The following ALAS1 variants were observed in gnomAD, a reference collection of about 807,000 sequenced individuals.
ALAS1 encodes 5'-aminolevulinate synthase 1.
Under a neutral mutation model 59.6 loss-of-function variants are expected in ALAS1, and 29 were observed. The ratio of observed to expected loss-of-function variants is 0.49; its 90% CI spans 0.36 to 0.66. The LOEUF (loss-of-function observed/expected upper bound fraction) is 0.66. Ranked by LOEUF, ALAS1 falls within the 30% of genes least tolerant of loss-of-function variation. The pLI is 0.00. For missense variants in ALAS1, 690 were observed against 807.5 expected (o/e 0.85, Z 1.76); for synonymous variants, 299 against 296.6 (o/e 1.01, Z -0.08).
chr3:52,207,944 A>C, intron 8 of ALAS1, 139 bp from the exon 9 acceptor site: 1 of 961,988 alleles, frequency 1.0e-6, no homozygotes, highest in Non-Finnish European at 1.5e-6. Flanking sequence ...GGTAACCTAG[A>C]AATTAGAGGA....
chr3:52,200,991 G>A (rs1699175822), intron 3 of ALAS1, among the ~76,000 whole-genome samples: 1 of 151,912 alleles, frequency 6.6e-6, no homozygotes, highest in Non-Finnish European at 1.5e-5. Context: ...TAAATGATAG[G>A]ATTTTTTTCT....
intron 5 of ALAS1, 146 bp from the exon 6 acceptor site, chr3:52,204,547 A>C (rs1460915362): frequency 5.9e-6 from 4 of 674,926 alleles, no homozygotes; most frequent in Non-Finnish European, 1.0e-5. Flanking sequence ...AACACGACAT[A>C]CAGTCTTATT....
rs1173264896 is a variant in ALAS1, at chr3:52,206,649, A to C, written c.1063A>C (p.Ile355Leu). Residue 355 changes from isoleucine to leucine, a missense_variant, in exon 8 of 12, where the codon ATC (isoleucine) becomes CTC (leucine). Physicochemically the swap from Ile to Leu is conservative, Grantham distance 5. Transcript: ENST00000484952. ...TCGAAACAGCCGAGTGCCAAAGTAC[A>C]TCTTCCGCCACAATGATGTCAGCCA... The part of the protein sequence containing the change: ...GIRNSRVPKY[I>L]FRHNDVSHLR... 6.2e-7 allele frequency: 1 copy of C among 1,614,088 alleles called. No homozygotes were observed. Among genetic ancestry groups the C allele is most frequent in the African/African-American group, 1.3e-5 (1 of 74,930 alleles).
At position 52,206,780 on chromosome 3, in the gene ALAS1, C is replaced by T. The variant is rs199908611; in HGVS notation, c.1165+29C>T. On this transcript the variant is annotated intron_variant, in intron 8 of 11. Coordinates refer to ENST00000484952, the MANE Select transcript of ALAS1 (RefSeq NM_000688.6). ...AGTGTGGATAGAGGTTCCTCTGAAA[C>T]CTAAGATGAAAAACTATGCCTGAAC... 878 of 1,601,548 alleles carry T rather than the reference C, an allele frequency of 5.5e-4. 6 individuals are homozygous for T. Among genetic ancestry groups the T allele is most frequent in the Middle Eastern group, 3.3e-3 (20 of 6,012 alleles).
rs191139903 is a variant in ALAS1, at chr3:52,199,941, C to G, written c.199+501C>G. ...GGTTCAAGTGATTCTCCTGCCTCAG[C>G]CTTCCAAGTATCTGGAATTACAGGC... On this transcript the variant is annotated intron_variant, in intron 3 of 11. Coordinates refer to ENST00000484952, the MANE Select transcript of ALAS1 (RefSeq NM_000688.6). Among the ~76,000 whole-genome samples the G allele has an allele frequency of 2.6e-4, 40 of 152,312 alleles. No individual in the cohort carries two copies. The East Asian group carries it at 6.4e-3, about 24-fold the overall frequency.
At chr3:52,204,116 T>C in intron 5 of ALAS1, 104 bp downstream of exon 5, 3 of 1,202,358 alleles carry the variant, frequency 2.5e-6, no homozygotes, top group Non-Finnish European at 3.4e-6. Flanking sequence ...CAGTAGCTCA[T>C]ACCTGTAATC....
intron 10 of ALAS1, 21 bp downstream of exon 10, chr3:52,211,572 G>A: frequency 6.2e-7 from 1 of 1,611,294 alleles, no homozygotes; most frequent in Non-Finnish European, 8.5e-7. Context: ...GTCTCTGATT[G>A]GACTTGCCGT....
intron 3 of ALAS1, among the ~76,000 whole-genome samples, chr3:52,201,121 C>T (rs958607055): frequency 2.6e-5 from 4 of 152,078 alleles, no homozygotes; most frequent in African/African-American, 9.7e-5. Flanking sequence ...ACACTTTACC[C>T]AAGTTATAGG....
intron 3 of ALAS1, among the ~76,000 whole-genome samples, chr3:52,200,352 C>T (rs1420821954): frequency 6.6e-6 from 1 of 152,200 alleles, no homozygotes; most frequent in East Asian, 1.9e-4. Context: ...CCCCTGACAA[C>T]CACCATTCTG....
intron 9 of ALAS1, 83 bp from the exon 10 acceptor site, chr3:52,211,200 T>G: frequency 6.6e-7 from 1 of 1,507,376 alleles, no homozygotes; most frequent in Non-Finnish European, 9.0e-7. Context: ...AAGTCAGTGC[T>G]TTGAGGCTCC....
In ALAS1 at chr3:52,214,191, A is replaced by C; in HGVS notation, c.*11A>C. The C allele has an allele frequency of 6.3e-7, 1 of 1,575,962 alleles. No individual in the cohort carries two copies. Among genetic ancestry groups the C allele is most frequent in the Non-Finnish European group, 8.7e-7 (1 of 1,149,762 alleles). On this transcript the variant is annotated 3_prime_UTR_variant, in exon 12 of 12. Transcript: ENST00000484952. ...TCTGCTCAGGCCTGAGCATGACCTCAATTATTTCACTTAACCCCAGGCCAT... is the reference window on the plus strand; with the variant it reads ...TCTGCTCAGGCCTGAGCATGACCTCCATTATTTCACTTAACCCCAGGCCAT...
intron 6 of ALAS1, among the ~76,000 whole-genome samples, chr3:52,205,413 G>A (rs1699273903): frequency 6.6e-6 from 1 of 152,226 alleles, no homozygotes; most frequent in Non-Finnish European, 1.5e-5. Flanking sequence ...GTCCCGGTTT[G>A]AGGTTTAATG....
intron 11 of ALAS1, among the ~76,000 whole-genome samples, chr3:52,212,835 T>G (rs1025167250): frequency 4.6e-5 from 7 of 152,114 alleles, no homozygotes; most frequent in African/African-American, 1.7e-4. Context: ...CCGGCCTGTT[T>G]CTTCTTTTTC....
In ALAS1 at chr3:52,202,618, C is replaced by G. The variant is rs1241948486; in HGVS notation, c.311C>G (p.Thr104Ser). 3.7e-6 allele frequency: 6 copies of G among 1,614,058 alleles called. No homozygotes were observed. Among genetic ancestry groups the G allele is most frequent in the Non-Finnish European group, 2.5e-6 (3 of 1,180,046 alleles). Reference protein sequence around the residue: ...GHPLPATSQGTASKCPFLAAQ... With the variant: ...GHPLPATSQGSASKCPFLAAQ... ...CCCTTGCCTGCCACAAGCCAGGGCACTGCAAGCAAATGCCCTTTCCTGGCA... is the reference window on the plus strand; with the variant it reads ...CCCTTGCCTGCCACAAGCCAGGGCAGTGCAAGCAAATGCCCTTTCCTGGCA... Residue 104 changes from threonine to serine, a missense_variant, in exon 4 of 12, where the codon ACT becomes AGT. Thr to Ser is a moderately conservative substitution (Grantham distance 58). Coordinates refer to ENST00000484952, the MANE Select transcript of ALAS1 (RefSeq NM_000688.6).
Position 52,212,301 on chromosome 3 carries a change from T to C in ALAS1, c.1643T>C (p.Met548Thr). ...AACACAGAAGTCTGTGATGAACTAA[T>C]GAGCAGACATAACATCTACGTGCAA... ...AKNTEVCDELMSRHNIYVQAI... is the reference protein window; with the variant it reads ...AKNTEVCDELTSRHNIYVQAI... The change falls in exon 11 of 12, where the codon ATG becomes ACG. Residue 548 changes from methionine to threonine, a missense_variant. Transcript: ENST00000484952. The C allele has an allele frequency of 1.9e-6, 3 of 1,614,112 alleles. No individual in the cohort carries two copies. The highest frequency in any genetic ancestry group is 2.5e-6 in the Non-Finnish European group (3 of 1,180,008).
chr3:52,199,566 C>A, intron 3 of ALAS1, 126 bp downstream of exon 3: 1 of 876,300 alleles, frequency 1.1e-6, no homozygotes, highest in Non-Finnish European at 1.7e-6. Context: ...GCAGGCTGGG[C>A]TCTGAGCACA....
chr3:52,210,982 A>G (rs191917456), intron 9 of ALAS1, among the ~76,000 whole-genome samples: 2 of 152,280 alleles, frequency 1.3e-5, no homozygotes, highest in East Asian at 1.9e-4. Context: ...AAACCTGTAC[A>G]ACATGTTACT....
chr3:52,203,737 A>T, intron 4 of ALAS1, 126 bp from the exon 5 acceptor site: 1 of 1,035,518 alleles, frequency 9.7e-7, no homozygotes, highest in Non-Finnish European at 1.4e-6. Flanking sequence ...GTTATAACTA[A>T]CTTTGGTTAT....
rs1699302639 is a variant in ALAS1 at position 52,206,889 on chromosome 3, C to T, written c.1165+138C>T. The T allele has an allele frequency of 2.7e-5, 25 of 926,548 alleles. 2 individuals are homozygous for T. In the South Asian group the frequency reaches 4.4e-4, roughly 16 times the overall value. The allele number at this position is 926,548 out of a possible 1,614,324, so 57.4% of individuals were successfully genotyped here. On this transcript the variant is annotated intron_variant, in intron 8 of 11. Transcript: ENST00000484952. ...TCGCTCTGTTGCCCAGGCAGGAGTG[C>T]AGTGGTGCGATCTCGACTCACTGCA...
Sources: gnomAD v4.1 joint callset for allele counts (sites outside exome capture counted in the v4.1 genomes callset) on GRCh38, gnomAD v4.1.1 for gene constraint, MANE v1.5 for transcripts, NCBI Gene and HGNC (gene_info 2026-07-23, HGNC 2026-07-21) for gene names.